Variants in CTNNA3 observed in about 807,000 individuals in gnomAD.
The protein encoded by CTNNA3 is catenin alpha-3.
In CTNNA3, 76 loss-of-function variants were observed where a neutral mutation model predicts 95.7. That is an observed-to-expected ratio of 0.79 (90% CI 0.66 to 0.96). The LOEUF (loss-of-function observed/expected upper bound fraction) is 0.96, where lower values mean the gene tolerates loss of function less well. Among genes scored for constraint, CTNNA3 ranks in the 40% least tolerant of loss-of-function variants. CTNNA3 has a pLI of 0.00. For synonymous variants in CTNNA3, 431 were observed against 374.4 expected, an observed-to-expected ratio of 1.15 and a Z score of -1.74; for missense variants, 1,191 against 1,089.8, an observed-to-expected ratio of 1.09 and a Z score of -1.31.
At chr10:66,719,461 A>G (rs916028639) in intron 9 of CTNNA3, among the ~76,000 whole-genome samples, 11 of 152,176 alleles carry the variant, frequency 7.2e-5, no homozygotes, top group African/African-American at 2.4e-4. Context: ...CAAACTAATG[A>G]GCAAACAATT....
intron 15 of CTNNA3, among the ~76,000 whole-genome samples, chr10:66,011,793 A>G (rs545609126): frequency 2.0e-5 from 3 of 152,218 alleles, no homozygotes; most frequent in Non-Finnish European, 4.4e-5. Flanking sequence ...ATTGTAAAAG[A>G]GTCTAGTTTA....
intron 5 of CTNNA3, among the ~76,000 whole-genome samples, chr10:67,292,529 C>T (rs937859794): frequency 1.3e-5 from 2 of 152,076 alleles, no homozygotes; most frequent in Non-Finnish European, 2.9e-5. Flanking sequence ...AATGATACCA[C>T]ATCATTTTAC....
At chr10:67,032,099 TCAC>T (rs1853762926) in intron 7 of CTNNA3, among the ~76,000 whole-genome samples, 1 of 152,194 alleles carries the variant, frequency 6.6e-6, no homozygotes, top group Admixed American at 6.5e-5. Flanking sequence ...CATGAAATCT[TCAC>T]CATTTTCCCA....
intron 13 of CTNNA3, among the ~76,000 whole-genome samples, chr10:66,236,185 C>A (rs1361731478): frequency 6.6e-6 from 1 of 152,046 alleles, no homozygotes; most frequent in Non-Finnish European, 1.5e-5. Context: ...CAGAAAAGCT[C>A]AAAGAAAGAT....
intron 1 of CTNNA3, among the ~76,000 whole-genome samples, chr10:67,741,057 G>A (rs1203302030): frequency 2.0e-5 from 3 of 150,782 alleles, no homozygotes; most frequent in Non-Finnish European, 4.4e-5. Context: ...ACTATCGCAA[G>A]AACAAAAAAA....
intron 5 of CTNNA3, among the ~76,000 whole-genome samples, chr10:67,332,257 T>G (rs1841822996): frequency 6.6e-6 from 1 of 152,170 alleles, no homozygotes; most frequent in Non-Finnish European, 1.5e-5. Context: ...CTTTTGAAAC[T>G]TTATAAAGTG....
chr10:67,574,544 C>CA (rs1228616313), intron 3 of CTNNA3, among the ~76,000 whole-genome samples: 1 of 150,056 alleles, frequency 6.7e-6, no homozygotes, highest in African/African-American at 2.4e-5. Context: ...TCTGTCACTT[C>CA]AAATTGTATT....
intron 7 of CTNNA3, among the ~76,000 whole-genome samples, chr10:66,873,451 ATTTCTCT>A (rs1844492875): frequency 1.3e-5 from 2 of 150,630 alleles, no homozygotes; most frequent in African/African-American, 4.9e-5. Flanking sequence ...TTTGATTTGC[ATTTCTCT>A]GATGTTTAGT....
At position 67,402,997 on chromosome 10, in the gene CTNNA3, T is replaced by TCAGC. The variant is rs774238614; in HGVS notation, c.579+118841_579+118844dup. Reference sequence around the variant, plus strand: ...AAATAAGACCCACTGGCTTGGAACTTCAGCCAGCCACCAGCAACAGGGTAG... The same window carrying TCAGC: ...AAATAAGACCCACTGGCTTGGAACTTCAGCCAGCCAGCCACCAGCAACAGGGTAG... On this transcript the variant is annotated intron_variant, in intron 5 of 17. Transcript: ENST00000433211. Among the ~76,000 whole-genome samples, 333 of 152,274 alleles carry TCAGC rather than the reference T, an allele frequency of 2.2e-3. 1 individual carries two copies. The highest frequency in any genetic ancestry group is 6.8e-3 in the Middle Eastern group (2 of 294).
chr10:65,999,801 A>G (rs1019450587), intron 15 of CTNNA3, among the ~76,000 whole-genome samples: 4 of 152,178 alleles, frequency 2.6e-5, no homozygotes, highest in Non-Finnish European at 5.9e-5. Context: ...GTCAGCAAAT[A>G]GCATCTTAAA....
rs1434278226 is a variant in CTNNA3, at chr10:66,686,957, TAC to T, written c.1282-65175_1282-65174del. Among the ~76,000 whole-genome samples the T allele has an allele frequency of 3.3e-5, 5 of 152,244 alleles. No homozygotes were observed. The South Asian group carries it at 8.3e-4, about 25-fold the overall frequency. ...CTGAATTAAAGATAATTTTTTAAAT[TAC>T]AGAGTATTATATCCTATATTAAAAT... On this transcript the variant is annotated intron_variant, in intron 9 of 17. Coordinates refer to ENST00000433211, the MANE Select transcript of CTNNA3 (RefSeq NM_013266.4).
At chr10:67,587,915 T>C (rs538217836) in intron 3 of CTNNA3, among the ~76,000 whole-genome samples, 64 of 152,268 alleles carry the variant, frequency 4.2e-4, no homozygotes, top group Non-Finnish European at 8.5e-4. Context: ...ATTTTTTATA[T>C]ATTTTTGTCT....
chr10:66,835,880 T>A (rs1419924894), intron 7 of CTNNA3, among the ~76,000 whole-genome samples: 1 of 152,042 alleles, frequency 6.6e-6, no homozygotes, highest in Non-Finnish European at 1.5e-5. Context: ...AAGAGGGTGA[T>A]TTAGTAGGCT....
chr10:67,062,256 G>C (rs1855801457), intron 7 of CTNNA3, among the ~76,000 whole-genome samples: 1 of 152,068 alleles, frequency 6.6e-6, no homozygotes, highest in African/African-American at 2.4e-5. Context: ...GTGATCAAAA[G>C]CCCATATTCT....
intron 7 of CTNNA3, among the ~76,000 whole-genome samples, chr10:66,844,438 C>T (rs1589322331): frequency 6.6e-6 from 1 of 152,180 alleles, no homozygotes; most frequent in African/African-American, 2.4e-5. Flanking sequence ...AACTTAACCT[C>T]ATGGCATTCT....
intron 13 of CTNNA3, among the ~76,000 whole-genome samples, chr10:66,233,224 GA>G: frequency 7.1e-6 from 1 of 141,540 alleles, no homozygotes; most frequent in East Asian, 2.1e-4. Context: ...AATATGAAAG[GA>G]AAAACAATAA....
chr10:67,748,751 C>A (rs770420624), intron 1 of CTNNA3, among the ~76,000 whole-genome samples: 42 of 152,158 alleles, frequency 2.8e-4, no homozygotes, highest in Non-Finnish European at 5.4e-4. Context: ...TCACACATAA[C>A]AATTTTAACC....
intron 5 of CTNNA3, among the ~76,000 whole-genome samples, chr10:67,417,799 T>C (rs1429896459): frequency 6.6e-6 from 1 of 152,148 alleles, no homozygotes; most frequent in Non-Finnish European, 1.5e-5. Flanking sequence ...TATATTTATA[T>C]CTCTCCATTT....
intron 13 of CTNNA3, among the ~76,000 whole-genome samples, chr10:66,183,407 T>G (rs2086157459): frequency 6.6e-6 from 1 of 152,246 alleles, no homozygotes; most frequent in Non-Finnish European, 1.5e-5. Context: ...CTTTGTATAA[T>G]GGAATTAAAT....
Sources: gnomAD v4.1 joint callset for allele counts (sites outside exome capture counted in the v4.1 genomes callset) on GRCh38, gnomAD v4.1.1 for gene constraint, MANE v1.5 for transcripts, NCBI Gene and HGNC (gene_info 2026-07-23, HGNC 2026-07-21) for gene names.